Variants in ARFGAP1 observed in about 807,000 individuals in gnomAD.
ARFGAP1 encodes the protein ADP-ribosylation factor GTPase-activating protein 1.
Under a neutral mutation model 54.0 loss-of-function variants are expected in ARFGAP1, and 26 were observed. The observed-to-expected ratio is 0.48, with a 90% CI of 0.35 to 0.67. The LOEUF is 0.67. ARFGAP1 is among the 30% of genes least tolerant of loss of function. The pLI, the probability that ARFGAP1 is intolerant of heterozygous loss-of-function variation, is 0.00. For synonymous variants in ARFGAP1, 248 were observed against 211.9 expected (o/e 1.17, Z -1.48); for missense variants, 525 against 535.8 (o/e 0.98, Z 0.20).
intron 12 of ARFGAP1, among the ~76,000 whole-genome samples, 187 bp downstream of exon 12, chr20:63,286,629 G>A (rs1377241409): frequency 6.6e-6 from 1 of 152,070 alleles, no homozygotes; most frequent in Non-Finnish European, 1.5e-5. Context: ...GAGGTGGCTG[G>A]CATCTTTGCT....
chr20:63,284,633 A>T (rs2067477100), intron 9 of ARFGAP1: 2 of 1,379,708 alleles, frequency 1.4e-6, no homozygotes, highest in African/African-American at 1.5e-5. Flanking sequence ...CTGGAGGGGG[A>T]CCTTCCTGCA....
At chr20:63,273,040 C>A (rs1231273574) in intron 1 of ARFGAP1, 120 bp downstream of exon 1, 1 of 152,106 alleles carries the variant, frequency 6.6e-6, no homozygotes, top group Non-Finnish European at 1.5e-5. Flanking sequence ...CCCGCTCCAC[C>A]CTGAGGCTGC....
chr20:63,284,714 A>C, intron 9 of ARFGAP1, 152 bp from the exon 10 acceptor site: 1 of 1,475,916 alleles, frequency 6.8e-7, no homozygotes, highest in African/African-American at 1.4e-5. Context: ...GTTGTGTGCA[A>C]AGCCCCGTTT....
At chr20:63,284,422 A>G (rs2067468550) in intron 9 of ARFGAP1, 1 of 1,076,366 alleles carries the variant, frequency 9.3e-7, no homozygotes, top group Non-Finnish European at 1.1e-6. Flanking sequence ...CTCCTTTCTC[A>G]GCAGCTTCTT....
chr20:63,284,585 GC>G, intron 9 of ARFGAP1: 1 of 1,303,436 alleles, frequency 7.7e-7, no homozygotes, highest in African/African-American at 1.5e-5. Flanking sequence ...CACCAGCCCG[GC>G]CCGGCAGGGC....
chr20:63,278,211 C>A lies in ARFGAP1; in HGVS notation c.530+8C>A. ...CCTCGGCTCCTATCAAGGGTAAGGA[C>A]TTGAGAGCTGGGGACGCCTGGCGTG... On this transcript the variant is annotated splice_region_variant and intron_variant, in intron 6 of 12. Transcript: ENST00000370283. 4 of 1,612,690 alleles carry A rather than the reference C, an allele frequency of 2.5e-6. No individual in the cohort carries two copies. The highest frequency in any genetic ancestry group is 3.4e-6 in the Non-Finnish European group (4 of 1,179,666).
In ARFGAP1 at chr20:63,287,887, C is replaced by T. The variant is rs2067606195; in HGVS notation, c.*14C>T. On this transcript the variant is annotated 3_prime_UTR_variant, in exon 13 of 13. Transcript: ENST00000370283. ...CAGAACTGGTAGGGCCCACTGCGCC[C>T]CCGTCCCCAGCGCCCCCGGGCGACT... 1.3e-6 allele frequency: 2 copies of T among 1,500,222 alleles called. No homozygotes were observed. Among genetic ancestry groups the T allele is most frequent in the East Asian group, 4.9e-5 (2 of 40,764 alleles). 92.9% of individuals were successfully genotyped at this position (1,500,222 alleles called of 1,614,324 possible).
At chr20:63,273,433 A>G (rs748837339) in intron 1 of ARFGAP1, 2 of 152,182 alleles carry the variant, frequency 1.3e-5, no homozygotes, top group Non-Finnish European at 2.9e-5. Context: ...AGAAGGAGAT[A>G]TATTTTTACA....
At chr20:63,285,613 C>T (rs2067512095) in intron 10 of ARFGAP1, 41 bp from the exon 11 acceptor site, 2 of 1,601,252 alleles carry the variant, frequency 1.2e-6, no homozygotes, top group Non-Finnish European at 1.7e-6. Context: ...AAGCTTTCAT[C>T]TCTCCCGCCC....
intron 9 of ARFGAP1, chr20:63,284,540 T>C (rs2067473228): frequency 8.3e-7 from 1 of 1,204,672 alleles, no homozygotes; most frequent in Non-Finnish European, 1.0e-6. Flanking sequence ...GCAGCCGGCG[T>C]TGGCCTCAGG....
chr20:63,279,375 T>A (rs2067320386), intron 7 of ARFGAP1: 1 of 359,012 alleles, frequency 2.8e-6, no homozygotes, highest in Admixed American at 3.9e-5. Flanking sequence ...CAGGCTAATT[T>A]TTGTATTTTT....
chr20:63,287,945 T>G lies in ARFGAP1; in HGVS notation c.*72T>G. On this transcript the variant is annotated 3_prime_UTR_variant, in exon 13 of 13. Coordinates refer to ENST00000370283, the MANE Select transcript of ARFGAP1 (RefSeq NM_018209.4). Reference sequence around the variant, plus strand: ...TGCACTCTGCCCTCGTCGTTCCTCCTCCTTCCATTTGACCCAAGAATCAGC... The same window carrying G: ...TGCACTCTGCCCTCGTCGTTCCTCCGCCTTCCATTTGACCCAAGAATCAGC... 7.1e-7 allele frequency: 1 copy of G among 1,417,310 alleles called. No individual in the cohort carries two copies. Among genetic ancestry groups the G allele is most frequent in the South Asian group, 1.4e-5 (1 of 70,506 alleles). The allele number at this position is 1,417,310 out of a possible 1,614,324, so 87.8% of individuals were successfully genotyped here. A position where few individuals can be genotyped will look rare whatever the true frequency, so the allele number is the denominator to read the frequency against.
In ARFGAP1 at chr20:63,276,768, C is replaced by T. The variant is rs544281986; in HGVS notation, c.342+117C>T. Reference sequence around the variant, plus strand: ...CGGTTCTTCTGCTGGTTCTGACACACCCACTGGGCCACACACAACTTGCCG... The same window carrying T: ...CGGTTCTTCTGCTGGTTCTGACACATCCACTGGGCCACACACAACTTGCCG... On this transcript the variant is annotated intron_variant, in intron 4 of 12. Transcript: ENST00000370283. The surrounding 1 kb of genome is among the most constrained non-coding windows in gnomAD (Gnocchi z 5.2). The T allele has an allele frequency of 1.5e-5, 18 of 1,215,920 alleles. No homozygotes were observed. In the African/African-American group the frequency reaches 2.6e-4, roughly 17 times the overall value. 75.3% of individuals were successfully genotyped at this position (1,215,920 alleles called of 1,614,324 possible).
At position 63,287,911 on chromosome 20, in the gene ARFGAP1, C is replaced by T. The variant is rs1425310421; in HGVS notation, c.*38C>T. The T allele has an allele frequency of 1.4e-6, 2 of 1,468,512 alleles. No homozygotes were observed. The highest frequency in any genetic ancestry group is 2.5e-5 in the East Asian group (1 of 40,234). 91.0% of individuals were successfully genotyped at this position (1,468,512 alleles called of 1,614,324 possible). The stretch of plus-strand genomic sequence containing the variant: ...CCCCGTCCCCAGCGCCCCCGGGCGA[C>T]TTCGTGTTTGCACTCTGCCCTCGTC... On this transcript the variant is annotated 3_prime_UTR_variant, in exon 13 of 13. Transcript: ENST00000370283.
At chr20:63,277,899 G>A (rs1160721665) in intron 5 of ARFGAP1, among the ~76,000 whole-genome samples, 1 of 152,218 alleles carries the variant, frequency 6.6e-6, no homozygotes, top group East Asian at 1.9e-4. Context: ...AGCCCACTGT[G>A]GAGGCCTCTC....
At chr20:63,284,641 G>A in intron 9 of ARFGAP1, 1 of 1,392,016 alleles carries the variant, frequency 7.2e-7, no homozygotes. Flanking sequence ...GGACCTTCCT[G>A]CAAGAATTGG....
At chr20:63,285,742 A>G (rs750826022) in intron 11 of ARFGAP1, 29 bp downstream of exon 11, 1 of 1,606,590 alleles carries the variant, frequency 6.2e-7, no homozygotes, top group Admixed American at 1.7e-5. Context: ...ACGCGGGCAC[A>G]GTCGAAGCCA....
At chr20:63,275,680 C>G in intron 2 of ARFGAP1, 40 bp downstream of exon 2, 4 of 1,593,374 alleles carry the variant, frequency 2.5e-6, no homozygotes, top group Non-Finnish European at 2.6e-6. Flanking sequence ...AAGGCTTGGT[C>G]AGGGTCAGTG....
rs1011578730 is a variant in ARFGAP1, at chr20:63,288,447, G to A, written c.*574G>A. ...GGGCCTGTGCTGTCAGACCCGCGTC[G>A]GTCGTAACCCTCTGTGGCTCCCCTG... is the stretch of plus-strand genomic sequence containing the variant. On this transcript the variant is annotated 3_prime_UTR_variant, in exon 13 of 13. Coordinates refer to ENST00000370283, the MANE Select transcript of ARFGAP1 (RefSeq NM_018209.4). 3.5e-5 allele frequency: 16 copies of A among 455,928 alleles called. No homozygotes were observed. Among genetic ancestry groups the A allele is most frequent in the African/African-American group, 1.2e-4 (6 of 50,054 alleles). The allele number at this position is 455,928 out of a possible 1,614,324, so 28.2% of individuals were successfully genotyped here. A position where few individuals can be genotyped will look rare whatever the true frequency, so the allele number is the denominator to read the frequency against.
Sources: allele counts gnomAD v4.1 joint callset (sites outside exome capture counted in the v4.1 genomes callset), GRCh38; gene constraint gnomAD v4.1.1; non-coding constraint Gnocchi (gnomAD v3.1); transcripts MANE v1.5; gene names NCBI Gene and HGNC (gene_info 2026-07-23, HGNC 2026-07-21).